Variants in ROCK1 observed in about 807,000 individuals in gnomAD.
The protein encoded by ROCK1 is Rho associated coiled-coil containing protein kinase 1.
In ROCK1, 36 loss-of-function variants were observed where a neutral mutation model predicts 196.8. The observed-to-expected ratio is 0.18, with a 90% CI of 0.14 to 0.24. The LOEUF (loss-of-function observed/expected upper bound fraction) is 0.24, where lower values mean the gene tolerates loss of function less well. ROCK1 is among the 10% of genes least tolerant of loss of function. ROCK1 has a pLI of 1.00. For synonymous variants in ROCK1, 443 were observed against 515.9 expected (o/e 0.86, Z 1.91); for missense variants, 920 against 1,562.0 (o/e 0.59, Z 6.93).
chr18:21,003,231 GA>G (rs2035741218), intron 16 of ROCK1, among the ~76,000 whole-genome samples: 1 of 151,870 alleles, frequency 6.6e-6, no homozygotes, highest in Non-Finnish European at 1.5e-5. Flanking sequence ...CTCACAGGAC[GA>G]AAAAAACATG....
chr18:21,074,758 TCA>T (rs1250497361), intron 1 of ROCK1, among the ~76,000 whole-genome samples: 1 of 152,194 alleles, frequency 6.6e-6, no homozygotes, highest in Non-Finnish European at 1.5e-5. Context: ...TTCCTGTCTC[TCA>T]GAGTTCAGAA....
chr18:21,062,990 T>C (rs138166627), intron 2 of ROCK1, among the ~76,000 whole-genome samples: 117 of 152,312 alleles, frequency 7.7e-4, no homozygotes, highest in South Asian at 2.7e-3. Flanking sequence ...GAATGGATAC[T>C]GTCTTAGTCT....
chr18:21,049,477 G>T (rs1034780826), intron 3 of ROCK1, among the ~76,000 whole-genome samples: 1 of 151,988 alleles, frequency 6.6e-6, no homozygotes, highest in African/African-American at 2.4e-5. Flanking sequence ...CCCTCCACAC[G>T]GCTATGTAAG....
intron 9 of ROCK1, among the ~76,000 whole-genome samples, chr18:21,033,060 G>A (rs146628839): frequency 7.8e-4 from 119 of 152,106 alleles, no homozygotes; most frequent in African/African-American, 2.8e-3. Context: ...AGCCAGGTGT[G>A]GTGACACATG....
Position 20,947,940 on chromosome 18 carries a change from T to C in ROCK1, c.*3444A>G, listed in dbSNP as rs1333547808. 1 of 151,874 alleles carries C rather than the reference T, an allele frequency of 6.6e-6. No homozygotes were observed. 9.4% of individuals were successfully genotyped at this position (151,874 alleles called of 1,614,324 possible). ...GGCTGGCCAACATGGTGAAACCCTGTCTCTACTAAAAATACAAAAATTAGC... is the reference window on the plus strand; with the variant it reads ...GGCTGGCCAACATGGTGAAACCCTGCCTCTACTAAAAATACAAAAATTAGC... On this transcript the variant is annotated 3_prime_UTR_variant, in exon 33 of 33. Coordinates refer to ENST00000399799, the MANE Select transcript of ROCK1 (RefSeq NM_005406.3).
At chr18:21,031,285 T>C (rs1296926275) in intron 9 of ROCK1, among the ~76,000 whole-genome samples, 1 of 152,078 alleles carries the variant, frequency 6.6e-6, no homozygotes, top group Admixed American at 6.6e-5. Context: ...CAAGAAAATA[T>C]GGGCCATTCA....
Position 21,042,569 on chromosome 18 carries a change from A to G in ROCK1, c.816T>C (p.Leu272=), listed in dbSNP as rs376619344. The part of the protein sequence containing the change: ...WSVGVFLYEM[L]VGDTPFYADS... ...CATAAAATCTTCCTTACTCACCTAC[A>G]AGCATTTCGTATAAAAATACCCCAA... The change falls in exon 7 of 33, where the codon CTT becomes CTC. Residue 272 remains leucine, a synonymous_variant. Transcript: ENST00000399799. 8 of 1,613,582 alleles carry G rather than the reference A, an allele frequency of 5.0e-6. No individual in the cohort carries two copies. The African/African-American group carries it at 9.3e-5, about 19-fold the overall frequency.
At chr18:21,073,852 G>A (rs1478611812) in intron 1 of ROCK1, among the ~76,000 whole-genome samples, 1 of 152,092 alleles carries the variant, frequency 6.6e-6, no homozygotes, top group African/African-American at 2.4e-5. Flanking sequence ...GTAGAATGTT[G>A]TTTTAACTAA....
chr18:20,993,975 T>C (rs1228452204), intron 16 of ROCK1, among the ~76,000 whole-genome samples: 3 of 152,238 alleles, frequency 2.0e-5, no homozygotes, highest in Admixed American at 6.5e-5. Context: ...ACAGTTTGAC[T>C]TACTGTACTT....
At chr18:21,082,240 G>A (rs1007231206) in intron 1 of ROCK1, among the ~76,000 whole-genome samples, 4 of 151,910 alleles carry the variant, frequency 2.6e-5, no homozygotes, top group South Asian at 4.2e-4. Context: ...CAGTATGTCC[G>A]GCCTCTACCA....
intron 18 of ROCK1, among the ~76,000 whole-genome samples, chr18:20,987,468 G>A (rs2035587331): frequency 6.6e-6 from 1 of 152,248 alleles, no homozygotes; most frequent in East Asian, 1.9e-4. Context: ...GAAAAATAAG[G>A]CTGTGGTTAT....
chr18:20,994,515 C>T (rs1483101455), intron 16 of ROCK1, among the ~76,000 whole-genome samples: 1 of 152,080 alleles, frequency 6.6e-6, no homozygotes, highest in Non-Finnish European at 1.5e-5. Flanking sequence ...ATAGTCCCAG[C>T]TACTTGGGAG....
At chr18:20,955,561 T>C (rs988790940) in intron 29 of ROCK1, 50 of 209,226 alleles carry the variant, frequency 2.4e-4, no homozygotes, top group Middle Eastern at 2.0e-3. Flanking sequence ...AAACTAAACA[T>C]ATGCTTACCA....
chr18:20,973,486 CA>C (rs1275918132), intron 22 of ROCK1, among the ~76,000 whole-genome samples: 5 of 151,722 alleles, frequency 3.3e-5, no homozygotes, highest in Non-Finnish European at 5.9e-5. Flanking sequence ...CCGTGTTAGC[CA>C]GGCTGGTAGC....
intron 16 of ROCK1, among the ~76,000 whole-genome samples, chr18:21,000,511 G>A (rs563630966): frequency 6.6e-6 from 1 of 152,174 alleles, no homozygotes; most frequent in African/African-American, 2.4e-5. Context: ...GATCTGCCCA[G>A]CGCAGCCTCC....
chr18:21,008,985 A>G (rs930623303), intron 13 of ROCK1, among the ~76,000 whole-genome samples: 2 of 152,218 alleles, frequency 1.3e-5, no homozygotes, highest in Admixed American at 1.3e-4. Context: ...CACCACCACA[A>G]CGAAGATACA....
intron 21 of ROCK1, among the ~76,000 whole-genome samples, chr18:20,981,081 T>C (rs1354214213): frequency 6.6e-6 from 1 of 151,608 alleles, no homozygotes; most frequent in East Asian, 2.0e-4. Context: ...TACTGGGTAG[T>C]TGAGAGACAG....
chr18:20,991,680 G>A (rs559131097), intron 17 of ROCK1, among the ~76,000 whole-genome samples: 7 of 151,498 alleles, frequency 4.6e-5, no homozygotes, highest in Admixed American at 1.3e-4. Context: ...TGTCACCCAG[G>A]CTGGAGTGCA....
intron 26 of ROCK1, among the ~76,000 whole-genome samples, chr18:20,967,499 T>A (rs1359430352): frequency 6.6e-6 from 1 of 152,140 alleles, no homozygotes; most frequent in Non-Finnish European, 1.5e-5. Flanking sequence ...ATCAAAAAAT[T>A]AAGCTTGTTA....
Sources: allele counts gnomAD v4.1 joint callset (sites outside exome capture counted in the v4.1 genomes callset), GRCh38; gene constraint gnomAD v4.1.1; transcripts MANE v1.5; gene names NCBI Gene and HGNC (gene_info 2026-07-23, HGNC 2026-07-21).